DENND5B: variants seen among roughly 807,000 people sequenced by gnomAD.
DENND5B encodes the protein DENN domain containing 5B.
In DENND5B, 34 loss-of-function variants were observed where a neutral mutation model predicts 140.6. The observed-to-expected ratio is 0.24, with a 90% CI of 0.18 to 0.32. The LOEUF (loss-of-function observed/expected upper bound fraction) is 0.32, where lower values mean the gene tolerates loss of function less well. Ranked by LOEUF, DENND5B falls within the 10% of genes least tolerant of loss-of-function variation. The pLI is 1.00. For missense variants in DENND5B, 1,142 were observed against 1,560.2 expected (o/e 0.73, Z 4.52); for synonymous variants, 551 against 562.1 (o/e 0.98, Z 0.28).
intron 1 of DENND5B, among the ~76,000 whole-genome samples, chr12:31,507,424 T>C (rs1378536213): frequency 1.3e-5 from 2 of 152,330 alleles, no homozygotes; most frequent in Middle Eastern, 3.4e-3. Flanking sequence ...CATTTGCCAC[T>C]GCACCTGGCC....
intron 17 of DENND5B, among the ~76,000 whole-genome samples, chr12:31,393,857 T>C (rs708215): frequency 0.19 from 28,246 of 152,054 alleles, 2,933 homozygotes; most frequent in Non-Finnish European, 0.25. Context: ...ATGGCTAATT[T>C]TTTTGTATTT....
At chr12:31,521,858 G>A (rs892930988) in intron 1 of DENND5B, among the ~76,000 whole-genome samples, 1 of 152,066 alleles carries the variant, frequency 6.6e-6, no homozygotes, top group Non-Finnish European at 1.5e-5. Flanking sequence ...CCATACTATT[G>A]CCAAAATCAT....
intron 1 of DENND5B, among the ~76,000 whole-genome samples, chr12:31,585,061 G>C (rs921265396): frequency 3.6e-4 from 55 of 151,910 alleles, no homozygotes; most frequent in African/African-American, 1.2e-3. Flanking sequence ...ACTCATAAAG[G>C]GAGAACTCAC....
In DENND5B at chr12:31,566,485, T is replaced by C. The variant is rs1451023487; in HGVS notation, c.127+24221A>G. On this transcript the variant is annotated intron_variant, in intron 1 of 20. Coordinates refer to ENST00000389082, the MANE Select transcript of DENND5B (RefSeq NM_144973.4). ...GCATATTCTACGATAAAACATGTCA[T>C]AGGCTGGGCCCAGTAGCTCATGCCT... Among the ~76,000 whole-genome samples the C allele has an allele frequency of 2.6e-5, 4 of 151,870 alleles. No individual in the cohort carries two copies. In the East Asian group the frequency reaches 7.7e-4, roughly 29 times the overall value.
chr12:31,411,126 G>A (rs544670927), intron 13 of DENND5B, among the ~76,000 whole-genome samples: 2 of 148,978 alleles, frequency 1.3e-5, no homozygotes, highest in Non-Finnish European at 3.0e-5. Flanking sequence ...GCAACCTCTC[G>A]TCTCCCAGGC....
chr12:31,514,454 G>A (rs1947546437), intron 1 of DENND5B, among the ~76,000 whole-genome samples: 1 of 152,152 alleles, frequency 6.6e-6, no homozygotes, highest in African/African-American at 2.4e-5. Flanking sequence ...CTGACTTTGT[G>A]TAAAGATTTT....
chr12:31,402,456 C>T, intron 15 of DENND5B, 42 bp downstream of exon 15: 1 of 1,579,704 alleles, frequency 6.3e-7, no homozygotes, highest in Non-Finnish European at 8.6e-7. Context: ...TGTAAAACTA[C>T]ACGTGATACA....
chr12:31,467,744 T>C (rs1258936343), intron 3 of DENND5B, among the ~76,000 whole-genome samples: 1 of 152,222 alleles, frequency 6.6e-6, no homozygotes, highest in Non-Finnish European at 1.5e-5. Flanking sequence ...ACAATGGGCA[T>C]GGAGTTAAAG....
intron 19 of DENND5B, among the ~76,000 whole-genome samples, chr12:31,391,350 A>G (rs919486951): frequency 6.6e-6 from 1 of 152,208 alleles, no homozygotes; most frequent in African/African-American, 2.4e-5. Flanking sequence ...CTTGACATTC[A>G]GCAGAATCTA....
chr12:31,472,002 G>A (rs903137858), intron 3 of DENND5B, among the ~76,000 whole-genome samples: 3 of 152,122 alleles, frequency 2.0e-5, no homozygotes, highest in South Asian at 2.1e-4. Context: ...CAAAAGCCAC[G>A]CAGGACTGGC....
At chr12:31,540,075 C>G (rs1023281728) in intron 1 of DENND5B, among the ~76,000 whole-genome samples, 1 of 151,900 alleles carries the variant, frequency 6.6e-6, no homozygotes, top group African/African-American at 2.4e-5. Flanking sequence ...TTCTATAGGC[C>G]AATAGCAAAC....
At chr12:31,436,626 C>G (rs907239537) in intron 7 of DENND5B, among the ~76,000 whole-genome samples, 18 of 151,994 alleles carry the variant, frequency 1.2e-4, no homozygotes, top group African/African-American at 4.1e-4. Context: ...CCTCTGCCTC[C>G]CAGGTTCAAG....
At chr12:31,473,043 G>C (rs1047393460) in intron 3 of DENND5B, among the ~76,000 whole-genome samples, 9 of 152,054 alleles carry the variant, frequency 5.9e-5, no homozygotes, top group Non-Finnish European at 1.0e-4. Flanking sequence ...AGGCTCAAGC[G>C]ATCTCCCACC....
intron 1 of DENND5B, among the ~76,000 whole-genome samples, chr12:31,531,978 T>C (rs1168133043): frequency 1.3e-5 from 2 of 152,106 alleles, no homozygotes; most frequent in Admixed American, 1.3e-4. Context: ...TGCTGTGTAC[T>C]GGAAATATAA....
In DENND5B at chr12:31,531,149, C is replaced by G. The variant is rs1948262489; in HGVS notation, c.128-35230G>C. Among the ~76,000 whole-genome samples the G allele has an allele frequency of 1.1e-4, 16 of 152,130 alleles. No homozygotes were observed. The South Asian group carries it at 2.9e-3, about 28-fold the overall frequency. Reference sequence around the variant, plus strand: ...TTGGCTCTACACACATTACCTAACACTTTTATATCCTACTACGAGTTAATA... The same window carrying G: ...TTGGCTCTACACACATTACCTAACAGTTTTATATCCTACTACGAGTTAATA... On this transcript the variant is annotated intron_variant, in intron 1 of 20. Coordinates refer to ENST00000389082, the MANE Select transcript of DENND5B (RefSeq NM_144973.4).
intron 1 of DENND5B, among the ~76,000 whole-genome samples, chr12:31,548,267 T>C (rs1392003002): frequency 6.6e-6 from 1 of 151,828 alleles, no homozygotes; most frequent in African/African-American, 2.4e-5. Context: ...TGGTGGCATA[T>C]ACCTATAGCC....
chr12:31,588,649 A>G (rs191810455), intron 1 of DENND5B, among the ~76,000 whole-genome samples: 4 of 152,358 alleles, frequency 2.6e-5, no homozygotes, highest in Admixed American at 1.3e-4. Context: ...ACATTTTATT[A>G]TAAGAGACTT....
At chr12:31,534,656 T>A in intron 1 of DENND5B, 1 of 223,564 alleles carries the variant, frequency 4.5e-6, no homozygotes, top group Non-Finnish European at 9.3e-6. Flanking sequence ...TGGGAATATT[T>A]TATATCTTGC....
At chr12:31,507,633 A>T (rs776047176) in intron 1 of DENND5B, among the ~76,000 whole-genome samples, 122 of 152,150 alleles carry the variant, frequency 8.0e-4, no homozygotes, top group South Asian at 1.5e-3. Context: ...AGAAAAAAAA[A>T]TTTTTTAAGT....
Sources: gnomAD v4.1 joint callset for allele counts (sites outside exome capture counted in the v4.1 genomes callset) on GRCh38, gnomAD v4.1.1 for gene constraint, MANE v1.5 for transcripts, NCBI Gene and HGNC (gene_info 2026-07-23, HGNC 2026-07-21) for gene names.